Variants in RPIA observed in about 807,000 individuals in gnomAD.
RPIA encodes ribose-5-phosphate isomerase.
A neutral mutation model predicts 37.8 loss-of-function variants in RPIA; 29 were observed. The ratio of observed to expected loss-of-function variants is 0.77; its 90% CI spans 0.57 to 1.05. The LOEUF (loss-of-function observed/expected upper bound fraction) is 1.05. RPIA is among the 50% of genes least tolerant of loss of function. The probability of loss-of-function intolerance (pLI) is 0.00; values close to 1 mark genes in which losing one functional copy is unlikely to be tolerated. For synonymous variants in RPIA, 167 were observed against 157.0 expected (o/e 1.06, Z -0.48); for missense variants, 385 against 413.6 (o/e 0.93, Z 0.60).
At chr2:88,697,349 A>G (rs1167550590) in intron 1 of RPIA, among the ~76,000 whole-genome samples, 1 of 152,236 alleles carries the variant, frequency 6.6e-6, no homozygotes, top group African/African-American at 2.4e-5. Flanking sequence ...ATTAACATTT[A>G]TAAGTCTTCT....
intron 3 of RPIA, among the ~76,000 whole-genome samples, chr2:88,715,552 G>A (rs1392027138): frequency 6.6e-6 from 1 of 152,206 alleles, no homozygotes; most frequent in Non-Finnish European, 1.5e-5. Flanking sequence ...TTACAAGGAA[G>A]TGGGCCAAAG....
rs745883048 is a variant in RPIA, at chr2:88,736,657, G to A, written c.719G>A (p.Arg240Gln). 3.1e-6 allele frequency: 5 copies of A among 1,613,530 alleles called. No individual in the cohort carries two copies. In the South Asian group the frequency reaches 3.3e-5, roughly 11 times the overall value. The change falls in exon 7 of 9, where the codon CGA (arginine) becomes CAA (glutamine). Residue 240 changes from arginine to glutamine, a missense_variant. This residue lies in a region of RPIA where 153 missense variants were observed against 210.6 expected (regional missense o/e 0.73). Coordinates refer to ENST00000283646, the MANE Select transcript of RPIA (RefSeq NM_144563.3). The part of the protein sequence containing the change: ...SQKFGGVVEL[R>Q]MAVNKAGPVV... ...AAGTTTGGGGGCGTGGTTGAACTTC[G>A]AATGGCTGTCAACAAGGCTGTGAGT...
chr2:88,736,713 C>T lies in RPIA; in HGVS notation c.738+37C>T, dbSNP rs367593017. On this transcript the variant is annotated intron_variant, in intron 7 of 8. Coordinates refer to ENST00000283646, the MANE Select transcript of RPIA (RefSeq NM_144563.3). Reference sequence around the variant, plus strand: ...GGTTGGGCCGGGGGTGTGCTGGGTGCACTCAGGTTTTCAGTGTGGTGTCCT... The same window carrying T: ...GGTTGGGCCGGGGGTGTGCTGGGTGTACTCAGGTTTTCAGTGTGGTGTCCT... 18 of 1,592,950 alleles carry T rather than the reference C, an allele frequency of 1.1e-5. No individual in the cohort carries two copies. In the African/African-American group the frequency reaches 1.5e-4, roughly 13 times the overall value.
At chr2:88,739,098 C>G (rs1325141623) in intron 8 of RPIA, among the ~76,000 whole-genome samples, 1 of 152,116 alleles carries the variant, frequency 6.6e-6, no homozygotes, top group Non-Finnish European at 1.5e-5. Context: ...GGCTGGAGTC[C>G]TGGTCCAGGC....
intron 7 of RPIA, among the ~76,000 whole-genome samples, chr2:88,737,387 T>A (rs909958253): frequency 7.9e-5 from 12 of 151,744 alleles, no homozygotes; most frequent in East Asian, 3.9e-4. Context: ...CTGTGACTTT[T>A]AAAAAAAAAC....
chr2:88,741,806 A>G, intron 8 of RPIA, among the ~76,000 whole-genome samples: 1 of 152,110 alleles, frequency 6.6e-6, no homozygotes, highest in Non-Finnish European at 1.5e-5. Context: ...CATTTCCCTG[A>G]TCATTAGTGA....
At chr2:88,729,459 A>G (rs1673239583) in intron 4 of RPIA, 122 bp downstream of exon 4, 2 of 995,078 alleles carry the variant, frequency 2.0e-6, no homozygotes, top group East Asian at 2.5e-5. Context: ...AGTTGTACCA[A>G]GTTTTCTCCT....
intron 3 of RPIA, among the ~76,000 whole-genome samples, chr2:88,715,714 C>A (rs1268884564): frequency 2.0e-5 from 3 of 152,186 alleles, no homozygotes; most frequent in Non-Finnish European, 4.4e-5. Flanking sequence ...TCTTAGCTTT[C>A]TTTAGTACTG....
chr2:88,717,653 T>G (rs113100958), intron 3 of RPIA, among the ~76,000 whole-genome samples: 128 of 152,276 alleles, frequency 8.4e-4, no homozygotes, highest in African/African-American at 3.0e-3. Flanking sequence ...CCCCAAGATT[T>G]ATTTTCCTTT....
At chr2:88,703,585 C>T (rs1032607541) in intron 3 of RPIA, among the ~76,000 whole-genome samples, 2 of 152,208 alleles carry the variant, frequency 1.3e-5, no homozygotes, top group South Asian at 4.1e-4. Flanking sequence ...GGCATCAAGT[C>T]CCTAGGCTGC....
intron 3 of RPIA, among the ~76,000 whole-genome samples, chr2:88,725,343 TAA>T (rs11406557): frequency 3.1e-4 from 45 of 143,082 alleles, no homozygotes; most frequent in African/African-American, 1.1e-3. Context: ...CTGAATAGCT[TAA>T]AAAAAAAAAA....
chr2:88,710,800 C>G (rs1028035567), intron 3 of RPIA, among the ~76,000 whole-genome samples: 4 of 152,196 alleles, frequency 2.6e-5, no homozygotes, highest in Non-Finnish European at 5.9e-5. Flanking sequence ...CCTCCCTTCT[C>G]CCTTGTCTGC....
chr2:88,715,273 G>A (rs13426496), intron 3 of RPIA, among the ~76,000 whole-genome samples: 6,058 of 152,274 alleles, frequency 0.04, 407 homozygotes, highest in African/African-American at 0.14. Context: ...GGAAGAAACA[G>A]TATTCTCATG....
At position 88,700,848 on chromosome 2, in the gene RPIA, A is replaced by T. The variant is rs111326891; in HGVS notation, c.402+784A>T. On this transcript the variant is annotated intron_variant, in intron 3 of 8. Transcript: ENST00000283646. Reference sequence around the variant, plus strand: ...GCCAATTGTCATCCCTCATCTGGCCATTGCAGGGAGGAGTATGTGTATAAT... The same window carrying T: ...GCCAATTGTCATCCCTCATCTGGCCTTTGCAGGGAGGAGTATGTGTATAAT... Among the ~76,000 whole-genome samples the T allele has an allele frequency of 3.9e-3, 590 of 152,318 alleles. 2 individuals are homozygous for T. Among genetic ancestry groups the T allele is most frequent in the South Asian group, 0.012 (58 of 4,820 alleles).
At chr2:88,727,108 T>TGTGCGCGTGCATGTGTGCGCATGC (rs1177538165) in intron 3 of RPIA, among the ~76,000 whole-genome samples, 1 of 151,996 alleles carries the variant, frequency 6.6e-6, no homozygotes, top group African/African-American at 2.4e-5. Flanking sequence ...CGCGCGCATG[T>TGTGCGCGTGCATGTGTGCGCATGC]GTGCGCGTGC....
chr2:88,732,525 C>T (rs1573475008), intron 4 of RPIA, among the ~76,000 whole-genome samples: 1 of 3,572 alleles, frequency 2.8e-4, no homozygotes, highest in African/African-American at 2.8e-3. Context: ...GGGAATTGAA[C>T]AATGAGATCA....
intron 3 of RPIA, among the ~76,000 whole-genome samples, chr2:88,720,710 AAAC>A (rs1355391965): frequency 3.9e-5 from 6 of 152,072 alleles, no homozygotes; most frequent in South Asian, 2.1e-4. Context: ...AAAAGTCAGG[AAAC>A]AACAGATGCT....
At chr2:88,718,840 A>T (rs1022046221) in intron 3 of RPIA, among the ~76,000 whole-genome samples, 5 of 152,246 alleles carry the variant, frequency 3.3e-5, no homozygotes, top group Admixed American at 6.5e-5. Context: ...AATTTGGTTC[A>T]TAAGAGTATA....
intron 8 of RPIA, among the ~76,000 whole-genome samples, chr2:88,739,560 G>T (rs1015993375): frequency 6.6e-6 from 1 of 152,174 alleles, no homozygotes; most frequent in South Asian, 2.1e-4. Context: ...TGCTAGTTGG[G>T]ATTTAAAATA....
Sources: allele counts gnomAD v4.1 joint callset (sites outside exome capture counted in the v4.1 genomes callset), GRCh38; gene constraint gnomAD v4.1.1; regional missense constraint gnomAD v4.1.1; transcripts MANE v1.5; gene names NCBI Gene and HGNC (gene_info 2026-07-23, HGNC 2026-07-21).